The following SLC1A2 variants were observed in gnomAD, a reference collection of about 807,000 sequenced individuals.
SLC1A2 encodes the protein solute carrier family 1 member 2, also known as excitatory amino acid transporter 2.
A neutral mutation model predicts 48.8 loss-of-function variants in SLC1A2; 15 were observed. That is an observed-to-expected ratio of 0.31 (90% CI 0.21 to 0.47). SLC1A2 has a LOEUF of 0.47. Ranked by LOEUF, SLC1A2 falls within the 20% of genes least tolerant of loss-of-function variation. SLC1A2 has a pLI of 0.99. For synonymous variants in SLC1A2, 279 were observed against 272.6 expected, an observed-to-expected ratio of 1.02 and a Z score of -0.23; for missense variants, 502 against 730.5, an observed-to-expected ratio of 0.69 and a Z score of 3.61.
chr11:35,357,012 C>T (rs1170359082), intron 1 of SLC1A2, among the ~76,000 whole-genome samples: 3 of 151,870 alleles, frequency 2.0e-5, no homozygotes, highest in South Asian at 2.1e-4. Flanking sequence ...GAGGTCGAGG[C>T]GGGCAGATCA....
Position 35,306,136 on chromosome 11 carries a change from G to C in SLC1A2, c.668C>G (p.Pro223Arg), listed in dbSNP as rs142741081. The change falls in exon 5 of 11, where the codon CCG (proline) becomes CGG (arginine). Residue 223 changes from proline to arginine, a missense_variant. Transcript: ENST00000278379. The part of the protein sequence containing the change: ...SLLNETVTEV[P>R]EETKMVIKKG... ...CTTGATAACCATCTTAGTCTCCTCC[G>C]GCACCTCAGTCACAGTCTCGTTCAA... The C allele has an allele frequency of 3.7e-6, 6 of 1,613,852 alleles. No homozygotes were observed. Among genetic ancestry groups the C allele is most frequent in the Non-Finnish European group, 8.5e-7 (1 of 1,179,934 alleles).
intron 6 of SLC1A2, among the ~76,000 whole-genome samples, chr11:35,295,505 A>G (rs1017526254): frequency 3.3e-5 from 5 of 152,244 alleles, no homozygotes; most frequent in African/African-American, 1.2e-4. Context: ...AGCTTCTGAG[A>G]TGAAGCCAGC....
chr11:35,327,396 T>C (rs1042325682), intron 1 of SLC1A2, among the ~76,000 whole-genome samples: 1 of 152,198 alleles, frequency 6.6e-6, no homozygotes, highest in Admixed American at 6.5e-5. Flanking sequence ...AAAGAACACC[T>C]TATACTTTGG....
chr11:35,301,438 T>C, intron 6 of SLC1A2, 81 bp downstream of exon 6: 1 of 1,380,206 alleles, frequency 7.2e-7, no homozygotes. Context: ...AACTTTTTCC[T>C]GCAGGGAGAG....
chr11:35,308,466 T>G (rs1851581325), intron 4 of SLC1A2, among the ~76,000 whole-genome samples: 1 of 152,214 alleles, frequency 6.6e-6, no homozygotes, highest in African/African-American at 2.4e-5. Context: ...TACCTAAGAC[T>G]GGATAATTTA....
intron 9 of SLC1A2, among the ~76,000 whole-genome samples, chr11:35,277,329 AC>A (rs1850473516): frequency 6.6e-6 from 1 of 152,112 alleles, no homozygotes; most frequent in Non-Finnish European, 1.5e-5. Flanking sequence ...AAGTGTCCTG[AC>A]CTGGCCATAC....
intron 1 of SLC1A2, among the ~76,000 whole-genome samples, chr11:35,319,194 A>G (rs1851980353): frequency 6.6e-6 from 1 of 152,224 alleles, no homozygotes; most frequent in African/African-American, 2.4e-5. Context: ...TCAGTGAGCA[A>G]CAAATATCAC....
At chr11:35,336,050 T>A (rs1590200837) in intron 1 of SLC1A2, among the ~76,000 whole-genome samples, 1 of 151,930 alleles carries the variant, frequency 6.6e-6, no homozygotes, top group African/African-American at 2.4e-5. Flanking sequence ...ATTATCCTCA[T>A]CAAACTAATA....
intron 8 of SLC1A2, 179 bp downstream of exon 8, chr11:35,286,578 G>A (rs144319313): frequency 2.0e-6 from 1 of 489,304 alleles, no homozygotes; most frequent in East Asian, 3.2e-5. Flanking sequence ...GTATTAATAA[G>A]AGTCTTCTTT....
intron 1 of SLC1A2, among the ~76,000 whole-genome samples, chr11:35,416,228 TA>T (rs1855600498): frequency 6.6e-6 from 1 of 152,192 alleles, no homozygotes; most frequent in South Asian, 2.1e-4. Context: ...GAGAATATCC[TA>T]AAAGGCAATT....
intron 9 of SLC1A2, among the ~76,000 whole-genome samples, chr11:35,266,799 G>A (rs1950492097): frequency 6.6e-6 from 1 of 152,226 alleles, no homozygotes; most frequent in Non-Finnish European, 1.5e-5. Flanking sequence ...AATAATATGA[G>A]TTCCAGGCAA....
At chr11:35,410,300 C>G (rs1450691231) in intron 1 of SLC1A2, among the ~76,000 whole-genome samples, 1 of 152,162 alleles carries the variant, frequency 6.6e-6, no homozygotes, top group Non-Finnish European at 1.5e-5. Flanking sequence ...TTAAAATCTA[C>G]TGTTCTCCCA....
At chr11:35,293,213 G>A (rs900911353) in intron 6 of SLC1A2, among the ~76,000 whole-genome samples, 1 of 152,050 alleles carries the variant, frequency 6.6e-6, no homozygotes, top group Non-Finnish European at 1.5e-5. Context: ...TTATTGCAAC[G>A]TGGCAAATAA....
chr11:35,288,679 G>T (rs997414817), intron 7 of SLC1A2, among the ~76,000 whole-genome samples: 1 of 152,086 alleles, frequency 6.6e-6, no homozygotes, highest in Non-Finnish European at 1.5e-5. Flanking sequence ...CAATTAAGTC[G>T]ACTGGGAAAA....
chr11:35,413,995 T>C (rs943995052), intron 1 of SLC1A2, among the ~76,000 whole-genome samples: 1 of 152,214 alleles, frequency 6.6e-6, no homozygotes, highest in Non-Finnish European at 1.5e-5. Flanking sequence ...ATTGCCATCA[T>C]CTATCCTAGA....
intron 10 of SLC1A2, among the ~76,000 whole-genome samples, chr11:35,262,810 C>A (rs1391754375): frequency 1.3e-5 from 2 of 152,196 alleles, no homozygotes; most frequent in Non-Finnish European, 2.9e-5. Context: ...AGTTGATAAA[C>A]CAATAGAGCT....
At chr11:35,267,820 CCTT>C (rs749166542) in intron 9 of SLC1A2, among the ~76,000 whole-genome samples, 1 of 152,084 alleles carries the variant, frequency 6.6e-6, no homozygotes, top group African/African-American at 2.4e-5. Flanking sequence ...AACTGCCTCT[CCTT>C]CTGTTCCTAA....
chr11:35,326,096 T>A (rs1852240847), intron 1 of SLC1A2, among the ~76,000 whole-genome samples: 2 of 151,914 alleles, frequency 1.3e-5, no homozygotes, highest in Non-Finnish European at 2.9e-5. Context: ...TGACCAAGGA[T>A]GGTGGCCTCA....
chr11:35,352,750 G>A (rs1433902308), intron 1 of SLC1A2, among the ~76,000 whole-genome samples: 4 of 152,220 alleles, frequency 2.6e-5, no homozygotes, highest in Admixed American at 2.6e-4. Context: ...AGGTTGAGAT[G>A]GTTGGCAGTG....
Sources: allele counts gnomAD v4.1 joint callset (sites outside exome capture counted in the v4.1 genomes callset), GRCh38; gene constraint gnomAD v4.1.1; transcripts MANE v1.5; gene names NCBI Gene and HGNC (gene_info 2026-07-23, HGNC 2026-07-21).